Variants in GRK3 observed in about 807,000 individuals in gnomAD.
The protein encoded by GRK3 is adrenergic, beta, receptor kinase 2.
A neutral mutation model predicts 95.7 loss-of-function variants in GRK3; 54 were observed. That is an observed-to-expected ratio of 0.56 (90% CI 0.45 to 0.71). GRK3 has a LOEUF of 0.71. Ranked by LOEUF, GRK3 falls within the 30% of genes least tolerant of loss-of-function variation. The pLI, the probability that GRK3 is intolerant of heterozygous loss-of-function variation, is 0.00. For missense variants in GRK3, 649 were observed against 851.2 expected (o/e 0.76, Z 2.96); for synonymous variants, 281 against 290.8 (o/e 0.97, Z 0.34).
chr22:25,568,514 A>G (rs1931572495), intron 1 of GRK3, among the ~76,000 whole-genome samples: 1 of 152,232 alleles, frequency 6.6e-6, no homozygotes, highest in South Asian at 2.1e-4. Flanking sequence ...ACAACATTTT[A>G]AAGATTCTTT....
rs12168036 is a variant in GRK3 at position 25,687,970 on chromosome 22, C to G, written c.957+303C>G. ...AAGCAATTTAGGCCAGGTGCGGTGG[C>G]TCATGCCTGTAATCCCAGCACTTTG... is the stretch of plus-strand genomic sequence containing the variant. On this transcript the variant is annotated intron_variant, in intron 11 of 20. Coordinates refer to ENST00000324198, the MANE Select transcript of GRK3 (RefSeq NM_005160.4). Among the ~76,000 whole-genome samples the G allele has an allele frequency of 9.2e-5, 14 of 152,326 alleles. No homozygotes were observed. In the South Asian group the frequency reaches 2.9e-3, roughly 32 times the overall value.
In GRK3 at chr22:25,699,694, CTTTTCTTTTT is replaced by C. The variant is rs1396719421; in HGVS notation, c.1161-3811_1161-3802del. Among the ~76,000 whole-genome samples, 23 of 139,230 alleles carry C rather than the reference CTTTTCTTTTT, an allele frequency of 1.7e-4. No individual in the cohort carries two copies. In the Middle Eastern group the frequency reaches 0.012, roughly 70 times the overall value. The allele number at this position is 139,230 out of a possible 152,430, so 91.3% of individuals were successfully genotyped here. A position where few individuals can be genotyped will look rare whatever the true frequency, so the allele number is the denominator to read the frequency against. On this transcript the variant is annotated intron_variant, in intron 13 of 20. Transcript: ENST00000324198. Reference sequence around the variant, plus strand: ...TTTCTATTTTCTTTTCTTTTCTTTTCTTTTCTTTTTTTTTTTTTTTTTGAGACGAAGTCTC... The same window carrying C: ...TTTCTATTTTCTTTTCTTTTCTTTTCTTTTTTTTTTTTGAGACGAAGTCTC...
intron 2 of GRK3, among the ~76,000 whole-genome samples, chr22:25,629,920 C>T (rs1341782492): frequency 2.0e-5 from 3 of 152,144 alleles, no homozygotes; most frequent in African/African-American, 7.2e-5. Flanking sequence ...GCACTTAATA[C>T]AAGACAAGTA....
chr22:25,722,201 A>T, intron 20 of GRK3, 88 bp from the exon 21 acceptor site: 1 of 1,489,138 alleles, frequency 6.7e-7, no homozygotes, highest in Non-Finnish European at 9.2e-7. Context: ...CAGGGGTTCC[A>T]GGGACGCTGG....
chr22:25,569,116 C>G (rs533690087), intron 1 of GRK3, among the ~76,000 whole-genome samples: 2 of 152,350 alleles, frequency 1.3e-5, no homozygotes, highest in African/African-American at 4.8e-5. Context: ...TGTGTCTTCA[C>G]TGTCCTGTGC....
intron 1 of GRK3, among the ~76,000 whole-genome samples, chr22:25,585,763 A>T (rs1237760768): frequency 6.6e-6 from 1 of 152,274 alleles, no homozygotes; most frequent in Non-Finnish European, 1.5e-5. Flanking sequence ...GCCAAAACGT[A>T]TTCCAGTGAT....
intron 6 of GRK3, among the ~76,000 whole-genome samples, chr22:25,669,461 C>T (rs112213550): frequency 0.029 from 4,472 of 152,298 alleles, 84 homozygotes; most frequent in African/African-American, 0.05. Flanking sequence ...GTTAAAAACA[C>T]TTCTCCTACT....
At chr22:25,690,155 C>A (rs746878213) in intron 11 of GRK3, 34 bp from the exon 12 acceptor site, 17 of 1,531,382 alleles carry the variant, frequency 1.1e-5, no homozygotes, top group Non-Finnish European at 1.5e-5. Flanking sequence ...GCATTTGGGG[C>A]ACTCTTATTA....
intron 1 of GRK3, among the ~76,000 whole-genome samples, chr22:25,589,591 T>A (rs548778451): frequency 2.4e-4 from 36 of 152,290 alleles, no homozygotes; most frequent in Admixed American, 1.8e-3. Flanking sequence ...GTAATAACCC[T>A]GGACTCTGGA....
At chr22:25,718,210 G>A in intron 18 of GRK3, 35 bp from the exon 19 acceptor site, 1 of 1,596,566 alleles carries the variant, frequency 6.3e-7, no homozygotes, top group Non-Finnish European at 8.6e-7. Context: ...TTGTTTCAGA[G>A]CCTATTTAAC....
chr22:25,706,676 G>A (rs2085302469), intron 15 of GRK3, among the ~76,000 whole-genome samples: 1 of 152,056 alleles, frequency 6.6e-6, no homozygotes, highest in South Asian at 2.1e-4. Flanking sequence ...GGCTACAGGT[G>A]TGCACCACCA....
At chr22:25,603,279 T>TA (rs904033110) in intron 1 of GRK3, among the ~76,000 whole-genome samples, 9 of 148,740 alleles carry the variant, frequency 6.1e-5, no homozygotes, top group African/African-American at 7.4e-5. Flanking sequence ...TTTTAAAAAG[T>TA]AAAAAAAAAA....
intron 3 of GRK3, among the ~76,000 whole-genome samples, chr22:25,661,311 T>C (rs2146400849): frequency 6.6e-6 from 1 of 152,326 alleles, no homozygotes; most frequent in Middle Eastern, 3.4e-3. Flanking sequence ...ACCATGGCAG[T>C]GTGTGTTTCC....
rs199657051 is a variant in GRK3 at position 25,690,221 on chromosome 22, C to T, written c.990C>T (p.His330=). 181 of 1,613,902 alleles carry T rather than the reference C, an allele frequency of 1.1e-4. No homozygotes were observed. Among genetic ancestry groups the T allele is most frequent in the African/African-American group, 3.3e-4 (25 of 74,900 alleles). ...ATATTCTCTTGGATGAACATGGACA[C>T]GCAAGAATATCAGATCTTGGTCTTG... ...PANILLDEHG[H]ARISDLGLAC... is the part of the protein sequence containing the mutation. The change falls in exon 12 of 21, where the codon CAC becomes CAT. Residue 330 remains histidine (H), a synonymous_variant. Transcript: ENST00000324198.
chr22:25,699,889 G>A (rs961391869), intron 13 of GRK3, among the ~76,000 whole-genome samples: 16 of 151,896 alleles, frequency 1.1e-4, no homozygotes, highest in Middle Eastern at 3.2e-3. Flanking sequence ...TAGTAGAGAC[G>A]GGGCATCACT....
At position 25,604,378 on chromosome 22, in the gene GRK3, A is replaced by G; in HGVS notation, c.115A>G (p.Ile39Val). ...AAATGTGTCACTCTTCCCTTCCAGTATCCGGAGTGTGATGCAGAAGTACCT... is the reference window on the plus strand; with the variant it reads ...AAATGTGTCACTCTTCCCTTCCAGTGTCCGGAGTGTGATGCAGAAGTACCT... ...SKRIVLPEPS[I>V]RSVMQKYLAE... is the part of the protein sequence containing the mutation. The change falls in exon 2 of 21, where the codon ATC becomes GTC. Residue 39 changes from isoleucine to valine, a missense_variant and splice_region_variant. Physicochemically the swap from Ile to Val is conservative, Grantham distance 29 (BLOSUM62 3). This residue lies in a region of GRK3 where 206 missense variants were observed against 231.4 expected (regional missense o/e 0.89). Transcript: ENST00000324198. 1.3e-6 allele frequency: 2 copies of G among 1,596,618 alleles called. No homozygotes were observed. Among genetic ancestry groups the G allele is most frequent in the South Asian group, 1.1e-5 (1 of 90,116 alleles).
intron 1 of GRK3, among the ~76,000 whole-genome samples, chr22:25,598,610 G>A (rs1183498963): frequency 1.3e-5 from 2 of 151,922 alleles, no homozygotes; most frequent in Non-Finnish European, 2.9e-5. Context: ...AGTAGGCCAA[G>A]GCTGCAGTGA....
At chr22:25,715,853 G>A (rs551147279) in intron 18 of GRK3, among the ~76,000 whole-genome samples, 1 of 152,274 alleles carries the variant, frequency 6.6e-6, no homozygotes, top group African/African-American at 2.4e-5. Flanking sequence ...TGATTTTCCT[G>A]TGGCATTTAA....
At chr22:25,651,231 A>T (rs2084828293) in intron 3 of GRK3, among the ~76,000 whole-genome samples, 1 of 152,222 alleles carries the variant, frequency 6.6e-6, no homozygotes, top group South Asian at 2.1e-4. Flanking sequence ...TCTAATAAAT[A>T]AAATGAAGGT....
Sources: allele counts gnomAD v4.1 joint callset (sites outside exome capture counted in the v4.1 genomes callset), GRCh38; gene constraint gnomAD v4.1.1; regional missense constraint gnomAD v4.1.1; transcripts MANE v1.5; gene names NCBI Gene and HGNC (gene_info 2026-07-23, HGNC 2026-07-21).